KIF13B: variants seen among roughly 807,000 people sequenced by gnomAD.
KIF13B encodes the protein kinesin family member 13B, also known as kinesin-like protein KIF13B.
Under a neutral mutation model 222.0 loss-of-function variants are expected in KIF13B, and 127 were observed. The observed-to-expected ratio is 0.57, with a 90% CI of 0.50 to 0.66. KIF13B has a LOEUF of 0.66. Ranked by LOEUF, KIF13B falls within the 30% of genes least tolerant of loss-of-function variation. The probability of loss-of-function intolerance (pLI) is 0.00; values close to 1 mark genes in which losing one functional copy is unlikely to be tolerated. For missense variants in KIF13B, 2,173 were observed against 2,379.0 expected (o/e 0.91, Z 1.80); for synonymous variants, 976 against 919.0 (o/e 1.06, Z -1.12).
At chr8:29,113,361 T>C (rs1809444206) in intron 32 of KIF13B, 102 bp downstream of exon 32, 1 of 630,932 alleles carries the variant, frequency 1.6e-6, no homozygotes, top group South Asian at 2.2e-5. Context: ...TCCCTAAACA[T>C]ACACTTTCAC....
chr8:29,199,087 T>TTTTTTTTTTTTTTTTTTTTTATTATACTC (rs1563781453), intron 2 of KIF13B, among the ~76,000 whole-genome samples: 5 of 151,818 alleles, frequency 3.3e-5, no homozygotes, highest in African/African-American at 1.2e-4. Flanking sequence ...ATAAAATTTT[T>TTTTTTTTTTTTTTTTTTTTTATTATACTC]TAAAAAATAG....
rs1810779480 is a variant in KIF13B at position 29,140,704 on chromosome 8, T to C, written c.2335-87A>G. 5.1e-6 allele frequency: 6 copies of C among 1,186,548 alleles called. No homozygotes were observed. The Admixed American group carries it at 1.5e-4, about 30-fold the overall frequency. 73.5% of individuals were successfully genotyped at this position (1,186,548 alleles called of 1,614,324 possible). A position where few individuals can be genotyped will look rare whatever the true frequency, so the allele number is the denominator to read the frequency against. On this transcript the variant is annotated intron_variant, in intron 19 of 39. Transcript: ENST00000524189. ...TACTGCTTTTTGATGCACTCTAGGT[T>C]ATTAAACTTAACTTTCATCATCCTA...
rs1380189517 is a variant in KIF13B, at chr8:29,108,143, T to C, written c.4211A>G (p.Asn1404Ser). The C allele has an allele frequency of 3.7e-6, 6 of 1,610,664 alleles. No individual in the cohort carries two copies. The highest frequency in any genetic ancestry group is 1.7e-4 in the Middle Eastern group (1 of 6,058). The change falls in exon 35 of 40, where the codon AAC (asparagine) becomes AGC (serine). Residue 1404 changes from asparagine to serine, a missense_variant. Transcript: ENST00000524189. Reference sequence around the variant, plus strand: ...AGAAATAGTTAAAACACCTACCTTGTTGCTGCCTAGACTGTATGATGGAAT... The same window carrying C: ...AGAAATAGTTAAAACACCTACCTTGCTGCTGCCTAGACTGTATGATGGAAT... ...DLIPSYSLGS[N>S]KGRWESQQDV...
intron 2 of KIF13B, among the ~76,000 whole-genome samples, chr8:29,206,290 A>G (rs1416417463): frequency 6.6e-6 from 1 of 152,076 alleles, no homozygotes; most frequent in Non-Finnish European, 1.5e-5. Flanking sequence ...AACAAAAGGC[A>G]TACTTGAAGT....
intron 37 of KIF13B, among the ~76,000 whole-genome samples, chr8:29,084,441 G>A (rs1258353542): frequency 6.6e-6 from 1 of 152,188 alleles, no homozygotes; most frequent in Non-Finnish European, 1.5e-5. Flanking sequence ...CATCAGAGAT[G>A]GGCAGAGGGG....
chr8:29,239,655 TTTTG>T (rs965899255), intron 2 of KIF13B, among the ~76,000 whole-genome samples: 6 of 152,174 alleles, frequency 3.9e-5, no homozygotes, highest in Admixed American at 1.3e-4. Flanking sequence ...CCCTTGTTTT[TTTTG>T]TTTGTTTGCT....
chr8:29,252,356 C>A (rs1408187436), intron 1 of KIF13B, among the ~76,000 whole-genome samples: 1 of 152,222 alleles, frequency 6.6e-6, no homozygotes, highest in Non-Finnish European at 1.5e-5. Flanking sequence ...TTACATAACT[C>A]ATGTTCCATC....
At chr8:29,194,201 A>G (rs1258138949) in intron 3 of KIF13B, among the ~76,000 whole-genome samples, 1 of 151,704 alleles carries the variant, frequency 6.6e-6, no homozygotes, top group African/African-American at 2.4e-5. Flanking sequence ...TGGTTGAACC[A>G]CAGATGTGAA....
intron 26 of KIF13B, among the ~76,000 whole-genome samples, chr8:29,124,408 C>T (rs572269136): frequency 4.6e-5 from 7 of 152,164 alleles, no homozygotes; most frequent in Admixed American, 2.0e-4. Context: ...CAAAAATCTT[C>T]TAAAAGGTCT....
chr8:29,128,334 T>A (rs1810205368), intron 24 of KIF13B, among the ~76,000 whole-genome samples: 1 of 152,172 alleles, frequency 6.6e-6, no homozygotes. Flanking sequence ...AGAATTTAAA[T>A]GTTCAATTGC....
Position 29,130,514 on chromosome 8 carries a change from A to T in KIF13B, c.3075+19T>A. 6.2e-7 allele frequency: 1 copy of T among 1,613,124 alleles called. No individual in the cohort carries two copies. The highest frequency in any genetic ancestry group is 2.2e-5 in the East Asian group (1 of 44,866). On this transcript the variant is annotated intron_variant, in intron 24 of 39. Coordinates refer to ENST00000524189, the MANE Select transcript of KIF13B (RefSeq NM_015254.4). ...TCTGGCACCAAAGAATCTAATGTAA[A>T]CATTCACAATCTTGTTACCTGCCGG... is the stretch of plus-strand genomic sequence containing the variant.
At chr8:29,131,638 C>T (rs946004039) in intron 23 of KIF13B, among the ~76,000 whole-genome samples, 1 of 152,220 alleles carries the variant, frequency 6.6e-6, no homozygotes, top group Non-Finnish European at 1.5e-5. Flanking sequence ...CTTTCCAACA[C>T]TGATGCCACT....
intron 32 of KIF13B, among the ~76,000 whole-genome samples, chr8:29,110,962 G>A (rs1269809506): frequency 1.3e-5 from 2 of 151,780 alleles, no homozygotes; most frequent in African/African-American, 4.8e-5. Context: ...AAGATTGAGG[G>A]GAAAACAAAC....
intron 6 of KIF13B, among the ~76,000 whole-genome samples, chr8:29,185,260 T>C (rs1812878395): frequency 6.6e-6 from 1 of 152,122 alleles, no homozygotes; most frequent in South Asian, 2.1e-4. Context: ...TCCGCACAAA[T>C]GTTATCAAGC....
chr8:29,147,990 G>C (rs745517246), intron 16 of KIF13B, among the ~76,000 whole-genome samples: 9 of 152,204 alleles, frequency 5.9e-5, no homozygotes, highest in Admixed American at 1.3e-4. Flanking sequence ...CTGAGGTCAG[G>C]AGTTTGAGAC....
chr8:29,210,111 T>C (rs906450011), intron 2 of KIF13B, among the ~76,000 whole-genome samples: 5 of 149,846 alleles, frequency 3.3e-5, no homozygotes, highest in Non-Finnish European at 7.4e-5. Flanking sequence ...AGGAAAGTAG[T>C]AGGAAGAGTA....
intron 2 of KIF13B, among the ~76,000 whole-genome samples, chr8:29,236,180 A>G (rs1234085397): frequency 6.6e-6 from 1 of 152,160 alleles, no homozygotes; most frequent in Non-Finnish European, 1.5e-5. Flanking sequence ...TGATGCCACC[A>G]CCTCACTATA....
intron 14 of KIF13B, among the ~76,000 whole-genome samples, chr8:29,154,365 G>C (rs1811424703): frequency 6.6e-6 from 1 of 151,854 alleles, no homozygotes; most frequent in South Asian, 2.1e-4. Context: ...GAAGGGGAGA[G>C]GAGGAAGTGA....
intron 2 of KIF13B, among the ~76,000 whole-genome samples, chr8:29,236,260 C>CAAATAATA (rs1815503351): frequency 6.6e-6 from 1 of 152,040 alleles, no homozygotes; most frequent in Non-Finnish European, 1.5e-5. Context: ...GTTATGTTTA[C>CAAATAATA]AAATAATAAA....
Sources: gnomAD v4.1 joint callset for allele counts (sites outside exome capture counted in the v4.1 genomes callset) on GRCh38, gnomAD v4.1.1 for gene constraint, MANE v1.5 for transcripts, NCBI Gene and HGNC (gene_info 2026-07-23, HGNC 2026-07-21) for gene names.